The following AQP11 variants were observed in gnomAD, a reference collection of about 807,000 sequenced individuals.
The protein encoded by AQP11 is aquaporin 11, also known as aquaporin-11.
In AQP11, 20 loss-of-function variants were observed where a neutral mutation model predicts 21.1. The observed-to-expected ratio is 0.95, with a 90% confidence interval of 0.67 to 1.38. The LOEUF (loss-of-function observed/expected upper bound fraction) is 1.38. Among genes scored for constraint, AQP11 ranks in the 40% most tolerant of loss-of-function variants. The pLI is 0.00. For missense variants in AQP11, 339 were observed against 340.4 expected (o/e 1.00, Z 0.03); for synonymous variants, 167 against 150.1 (o/e 1.11, Z -0.82).
intron 1 of AQP11, among the ~76,000 whole-genome samples, chr11:77,598,197 G>T (rs11237234): frequency 0.18 from 27,502 of 152,142 alleles, 3,183 homozygotes; most frequent in African/African-American, 0.31. Flanking sequence ...CACTCTAAAT[G>T]AATAAATAGA....
intron 1 of AQP11, among the ~76,000 whole-genome samples, chr11:77,600,812 A>G (rs1362087095): frequency 1.3e-5 from 2 of 152,076 alleles, no homozygotes; most frequent in African/African-American, 4.8e-5. Flanking sequence ...GGAGATCGAG[A>G]CCATCCCGGC....
chr11:77,595,918 A>G (rs1282169505), intron 1 of AQP11, among the ~76,000 whole-genome samples: 7 of 152,064 alleles, frequency 4.6e-5, no homozygotes, highest in Non-Finnish European at 8.8e-5. Flanking sequence ...ATGCCACTGC[A>G]CTTCAGCCTG....
intron 2 of AQP11, 42 bp from the exon 3 acceptor site, chr11:77,609,256 C>A: frequency 6.6e-7 from 1 of 1,519,402 alleles, no homozygotes; most frequent in Non-Finnish European, 9.1e-7. Context: ...TATGAACCTC[C>A]TTAAAGATTG....
At chr11:77,606,745 TA>T (rs1958849044) in intron 2 of AQP11, among the ~76,000 whole-genome samples, 2 of 152,098 alleles carry the variant, frequency 1.3e-5, no homozygotes, top group Non-Finnish European at 2.9e-5. Flanking sequence ...GGGGTTTCTA[TA>T]AAACCACACC....
In AQP11 at chr11:77,610,250, G is replaced by A. The variant is rs1958869502; in HGVS notation, c.*873G>A. The A allele has an allele frequency of 6.6e-6, 1 of 152,230 alleles. No individual in the cohort carries two copies. Among genetic ancestry groups the A allele is most frequent in the East Asian group, 1.9e-4 (1 of 5,188 alleles). 9.4% of individuals were successfully genotyped at this position (152,230 alleles called of 1,614,324 possible). Reference sequence around the variant, plus strand: ...CTTCTCGGTCACGATTATGACTAAAGGGAAATCAAGGGTTCATAGAAACAT... The same window carrying A: ...CTTCTCGGTCACGATTATGACTAAAAGGAAATCAAGGGTTCATAGAAACAT... On this transcript the variant is annotated 3_prime_UTR_variant, in exon 3 of 3. Coordinates refer to ENST00000313578, the MANE Select transcript of AQP11 (RefSeq NM_173039.3).
At chr11:77,595,244 GAC>G (rs1958771609) in intron 1 of AQP11, among the ~76,000 whole-genome samples, 1 of 152,144 alleles carries the variant, frequency 6.6e-6, no homozygotes, top group Non-Finnish European at 1.5e-5. Flanking sequence ...AGGAGGCAGA[GAC>G]AGGAGAATCG....
intron 2 of AQP11, among the ~76,000 whole-genome samples, chr11:77,606,643 G>A (rs888312867): frequency 2.6e-5 from 4 of 152,116 alleles, no homozygotes; most frequent in Admixed American, 6.6e-5. Flanking sequence ...CCTCGCAGGC[G>A]CAAGCGATCC....
intron 1 of AQP11, 145 bp downstream of exon 1, chr11:77,590,756 C>G (rs1590780404): frequency 6.8e-7 from 1 of 1,479,904 alleles, no homozygotes; most frequent in South Asian, 1.4e-5. Context: ...TTTTGCAGCC[C>G]GTTCTTAACC....
chr11:77,590,576 TG>T lies in AQP11; in HGVS notation c.585del (p.Leu196TrpfsTer15), dbSNP rs1958741634. ...GTCCGAACCAAGCTTCGTATCCACC[TG>T]CTGGCTGCACTCATCACCTTTTTGG... The part of the protein sequence containing the change: ...QEVRTKLRIH[L>X]LAALITFLVY... On this transcript the variant is annotated frameshift_variant, in exon 1 of 3. Coordinates refer to ENST00000313578, the MANE Select transcript of AQP11 (RefSeq NM_173039.3). LOFTEE classifies it high-confidence loss of function. 1 of 1,614,186 alleles carries T rather than the reference TG, an allele frequency of 6.2e-7. No individual in the cohort carries two copies.
chr11:77,590,678 A>G lies in AQP11; in HGVS notation c.619+67A>G, dbSNP rs902825037. ...TATGACATGAGGCTGTAAGTTCTTT[A>G]CTAAAATACATTTGAAACCGTCTAT... On this transcript the variant is annotated intron_variant, in intron 1 of 2. Transcript: ENST00000313578. 7.2e-6 allele frequency: 11 copies of G among 1,530,138 alleles called. No homozygotes were observed. In the African/African-American group the frequency reaches 1.4e-4, roughly 19 times the overall value. The allele number at this position is 1,530,138 out of a possible 1,614,324, so 94.8% of individuals were successfully genotyped here.
intron 2 of AQP11, among the ~76,000 whole-genome samples, chr11:77,607,925 A>G (rs1958856075): frequency 6.6e-6 from 1 of 151,866 alleles, no homozygotes; most frequent in South Asian, 2.1e-4. Context: ...TGACAAAAAA[A>G]TCTGTGGGTC....
intron 1 of AQP11, among the ~76,000 whole-genome samples, chr11:77,594,517 T>C (rs1429104486): frequency 6.6e-6 from 1 of 152,110 alleles, no homozygotes; most frequent in Non-Finnish European, 1.5e-5. Context: ...TGGAACAGAG[T>C]TGTTACAAAT....
At chr11:77,591,842 C>T (rs1021871661) in intron 1 of AQP11, among the ~76,000 whole-genome samples, 5 of 152,066 alleles carry the variant, frequency 3.3e-5, no homozygotes, top group South Asian at 2.1e-4. Context: ...CCATTTTACT[C>T]CAGCCCAGGC....
At chr11:77,598,985 G>A (rs1418458173) in intron 1 of AQP11, among the ~76,000 whole-genome samples, 3 of 152,106 alleles carry the variant, frequency 2.0e-5, no homozygotes, top group African/African-American at 7.2e-5. Context: ...AGGTTCAAGC[G>A]ATTCTCCTGC....
intron 1 of AQP11, among the ~76,000 whole-genome samples, chr11:77,601,635 C>T (rs2135749137): frequency 6.6e-6 from 1 of 152,306 alleles, no homozygotes; most frequent in Middle Eastern, 3.4e-3. Context: ...CAGGCATGAG[C>T]CACCATGCCT....
rs1958736544 is a variant in AQP11 at position 77,590,169 on chromosome 11, C to A, written c.177C>A (p.Cys59Ter). Residue 59 changes from cysteine (C) to a stop codon, truncating the protein, a stop_gained, in exon 1 of 3, where the codon TGC becomes TGA. Coordinates refer to ENST00000313578, the MANE Select transcript of AQP11 (RefSeq NM_173039.3). LOFTEE classifies it high-confidence loss of function. ...TTCTAGCCACCTTCCAGCTCTGCTG[C>A]TGCACCCACGAGCTGCAACTGCTGA... ...LEFLATFQLCCCTHELQLLSE... is the reference protein window; with the variant it reads ...LEFLATFQLC 6.2e-7 allele frequency: 1 copy of A among 1,606,076 alleles called. No individual in the cohort carries two copies. Among genetic ancestry groups the A allele is most frequent in the Non-Finnish European group, 8.5e-7 (1 of 1,177,648 alleles).
chr11:77,609,402 T>C lies in AQP11; in HGVS notation c.*25T>C. On this transcript the variant is annotated 3_prime_UTR_variant, in exon 3 of 3. Coordinates refer to ENST00000313578, the MANE Select transcript of AQP11 (RefSeq NM_173039.3). ...ACTGTTCCAAAGACTCAGACTAACA[T>C]ACAGGACAGTCCAGCTGGATGTGAT... is the stretch of plus-strand genomic sequence containing the variant. 1 of 1,565,550 alleles carries C rather than the reference T, an allele frequency of 6.4e-7. No homozygotes were observed. The highest frequency in any genetic ancestry group is 8.8e-7 in the Non-Finnish European group (1 of 1,140,532).
chr11:77,600,123 C>CT lies in AQP11; in HGVS notation c.620-3432dup, dbSNP rs1233515829. ...TACAGGTGCACGCCACCATGCCCAGCTATTTTTTTTTTTTTTTTGTATTTT... is the reference window on the plus strand; with the variant it reads ...TACAGGTGCACGCCACCATGCCCAGCTTATTTTTTTTTTTTTTTTGTATTTT... On this transcript the variant is annotated intron_variant, in intron 1 of 2. Coordinates refer to ENST00000313578, the MANE Select transcript of AQP11 (RefSeq NM_173039.3). 2.0e-4 allele frequency among the ~76,000 whole-genome samples: 21 copies of CT among 107,160 alleles called. No homozygotes were observed. In the East Asian group the frequency reaches 6.5e-3, roughly 33 times the overall value. 70.3% of individuals were successfully genotyped at this position (107,160 alleles called of 152,430 possible).
At chr11:77,596,520 A>ATG (rs1480051631) in intron 1 of AQP11, among the ~76,000 whole-genome samples, 1,590 of 123,254 alleles carry the variant, frequency 0.013, 67 homozygotes, top group African/African-American at 0.048. Context: ...GTAAATATAT[A>ATG]TGTAAATATA....
Sources: allele counts gnomAD v4.1 joint callset (sites outside exome capture counted in the v4.1 genomes callset), GRCh38; gene constraint gnomAD v4.1.1; transcripts MANE v1.5; gene names NCBI Gene and HGNC (gene_info 2026-07-23, HGNC 2026-07-21).